CDK14: variants seen among roughly 807,000 people sequenced by gnomAD.
The protein encoded by CDK14 is cyclin-dependent kinase 14.
Under a neutral mutation model 60.7 loss-of-function variants are expected in CDK14, and 34 were observed. The ratio of observed to expected loss-of-function variants is 0.56; its 90% CI spans 0.43 to 0.75. The LOEUF (loss-of-function observed/expected upper bound fraction) is 0.75, where lower values mean the gene tolerates loss of function less well. Among genes scored for constraint, CDK14 ranks in the 30% least tolerant of loss-of-function variants. CDK14 has a pLI of 0.00. For missense variants in CDK14, 482 were observed against 564.1 expected (o/e 0.85, Z 1.47); for synonymous variants, 197 against 203.7 (o/e 0.97, Z 0.28).
intron 2 of CDK14, among the ~76,000 whole-genome samples, chr7:90,674,087 T>C (rs558673275): frequency 1.3e-5 from 2 of 152,324 alleles, no homozygotes; most frequent in South Asian, 4.1e-4. Context: ...TATAGTGAGA[T>C]AGTCTATTGT....
At chr7:91,054,088 ATTTTTTTTTT>A (rs10675646) in intron 11 of CDK14, among the ~76,000 whole-genome samples, 2 of 112,972 alleles carry the variant, frequency 1.8e-5, no homozygotes, top group African/African-American at 7.3e-5. Flanking sequence ...CTGCAAAATA[ATTTTTTTTTT>A]TTTTTTTTTT....
At chr7:90,782,406 A>C (rs1805376286) in intron 4 of CDK14, among the ~76,000 whole-genome samples, 1 of 152,092 alleles carries the variant, frequency 6.6e-6, no homozygotes, top group Non-Finnish European at 1.5e-5. Context: ...AATACCCTTT[A>C]TTTCCTTCTC....
At chr7:90,714,146 G>A (rs1474014656) in intron 2 of CDK14, among the ~76,000 whole-genome samples, 1 of 152,046 alleles carries the variant, frequency 6.6e-6, no homozygotes, top group Admixed American at 6.6e-5. Flanking sequence ...TGGATAAAAG[G>A]AGGATGTAAC....
chr7:90,632,517 G>A (rs1347253926), intron 2 of CDK14: 1 of 164,736 alleles, frequency 6.1e-6, no homozygotes, highest in Admixed American at 6.4e-5. Flanking sequence ...TGGCTATCTT[G>A]TAGCCTGGAA....
intron 5 of CDK14, among the ~76,000 whole-genome samples, chr7:90,854,834 C>T (rs60814992): frequency 1.3e-5 from 2 of 152,120 alleles, no homozygotes; most frequent in African/African-American, 2.4e-5. Flanking sequence ...TGCAGAAACC[C>T]TCAGTCCCTA....
At chr7:91,151,378 A>G in intron 14 of CDK14, among the ~76,000 whole-genome samples, 1 of 152,226 alleles carries the variant, frequency 6.6e-6, no homozygotes, top group East Asian at 1.9e-4. Context: ...AATCCAGACA[A>G]CTATGAATTT....
chr7:91,194,105 A>G (rs1802457546), intron 14 of CDK14, among the ~76,000 whole-genome samples: 1 of 152,216 alleles, frequency 6.6e-6, no homozygotes, highest in Admixed American at 6.5e-5. Context: ...ATTTTACCAG[A>G]CATACATCAG....
At chr7:90,931,327 G>C (rs1292493094) in intron 8 of CDK14, among the ~76,000 whole-genome samples, 4 of 152,194 alleles carry the variant, frequency 2.6e-5, no homozygotes, top group Non-Finnish European at 4.4e-5. Context: ...TAAATTGAAA[G>C]CACAAATGTT....
chr7:90,701,635 G>A (rs1468857889), intron 2 of CDK14, among the ~76,000 whole-genome samples: 1 of 152,100 alleles, frequency 6.6e-6, no homozygotes, highest in African/African-American at 2.4e-5. Flanking sequence ...CAGTAGCTCC[G>A]TATCCTTTCT....
At chr7:90,649,251 T>C (rs1179294912) in intron 2 of CDK14, among the ~76,000 whole-genome samples, 1 of 18,744 alleles carries the variant, frequency 5.3e-5, no homozygotes, top group African/African-American at 2.3e-4. Context: ...TTTCTTTCTT[T>C]CTTTCTTTCT....
chr7:90,709,396 G>C, intron 2 of CDK14: 1 of 1,397,418 alleles, frequency 7.2e-7, no homozygotes, highest in Non-Finnish European at 9.3e-7. Context: ...GCATGATGAG[G>C]TGCATCCCCT....
chr7:91,178,595 A>T (rs1402946406), intron 14 of CDK14, among the ~76,000 whole-genome samples: 1 of 152,154 alleles, frequency 6.6e-6, no homozygotes, highest in African/African-American at 2.4e-5. Flanking sequence ...AATCTACAAC[A>T]AACTCAAACA....
chr7:90,901,973 G>A (rs1562820707), intron 7 of CDK14, among the ~76,000 whole-genome samples: 1 of 151,798 alleles, frequency 6.6e-6, no homozygotes, highest in Non-Finnish European at 1.5e-5. Context: ...CCAATAATGA[G>A]CTGGCTGAAA....
chr7:90,688,483 C>T (rs1292014755), intron 2 of CDK14, among the ~76,000 whole-genome samples: 2 of 152,054 alleles, frequency 1.3e-5, no homozygotes, highest in Non-Finnish European at 2.9e-5. Flanking sequence ...ATAATAATTT[C>T]TCTTTTTTAA....
rs571946975 is a variant in CDK14 at position 90,748,931 on chromosome 7, A to G, written c.464+1156A>G. Among the ~76,000 whole-genome samples, 76 of 152,352 alleles carry G rather than the reference A, an allele frequency of 5.0e-4. No individual in the cohort carries two copies. In the South Asian group the frequency reaches 0.014, roughly 28 times the overall value. ...CTTAAGTAATTAAATAAGAAGATGT[A>G]GAAGAGAAAAATTCTCTGAAGGATC... On this transcript the variant is annotated intron_variant, in intron 4 of 14. Transcript: ENST00000380050.
chr7:90,807,451 C>T (rs1788900278), intron 5 of CDK14, among the ~76,000 whole-genome samples: 1 of 152,102 alleles, frequency 6.6e-6, no homozygotes. Context: ...ACATCCACAC[C>T]AAAAACCCAT....
At chr7:90,694,801 T>A (rs2116596266) in intron 2 of CDK14, among the ~76,000 whole-genome samples, 1 of 152,300 alleles carries the variant, frequency 6.6e-6, no homozygotes, top group African/African-American at 2.4e-5. Flanking sequence ...GAGAAAATAT[T>A]TCATGGGAAA....
intron 5 of CDK14, among the ~76,000 whole-genome samples, chr7:90,803,977 G>A (rs1016878841): frequency 6.6e-6 from 1 of 152,190 alleles, no homozygotes; most frequent in Non-Finnish European, 1.5e-5. Context: ...GCACATGATA[G>A]GCACTCAGGG....
At chr7:91,175,968 A>G (rs1478471429) in intron 14 of CDK14, among the ~76,000 whole-genome samples, 2 of 152,034 alleles carry the variant, frequency 1.3e-5, no homozygotes, top group Admixed American at 6.5e-5. Context: ...CCTAATAGAC[A>G]TCTACAGAAC....
Sources: gnomAD v4.1 joint callset for allele counts (sites outside exome capture counted in the v4.1 genomes callset) on GRCh38, gnomAD v4.1.1 for gene constraint, MANE v1.5 for transcripts, NCBI Gene and HGNC (gene_info 2026-07-23, HGNC 2026-07-21) for gene names.